Variants in SNTG2 observed in about 807,000 individuals in gnomAD.
SNTG2 encodes syntrophin gamma 2.
A neutral mutation model predicts 70.9 loss-of-function variants in SNTG2; 74 were observed. The ratio of observed to expected loss-of-function variants is 1.04; its 90% CI spans 0.86 to 1.27. The LOEUF (loss-of-function observed/expected upper bound fraction) is 1.27. Ranked by LOEUF, SNTG2 falls within the 50% of genes most tolerant of loss-of-function variation. The pLI, the probability that SNTG2 is intolerant of heterozygous loss-of-function variation, is 0.00. For synonymous variants in SNTG2, 278 were observed against 273.8 expected (o/e 1.02, Z -0.15); for missense variants, 717 against 690.7 (o/e 1.04, Z -0.43).
At chr2:1,292,716 A>G (rs1051964750) in intron 14 of SNTG2, among the ~76,000 whole-genome samples, 4 of 152,190 alleles carry the variant, frequency 2.6e-5, no homozygotes, top group Non-Finnish European at 5.9e-5. Flanking sequence ...ACATTGTACA[A>G]TGCTTTTAAT....
chr2:1,117,003 G>C (rs1490463763), intron 4 of SNTG2, among the ~76,000 whole-genome samples: 1 of 145,316 alleles, frequency 6.9e-6, no homozygotes, highest in African/African-American at 2.6e-5. Context: ...GTGTACGAGT[G>C]CCCTGGTGTG....
At chr2:1,303,417 A>T (rs1680539363) in intron 14 of SNTG2, among the ~76,000 whole-genome samples, 1 of 151,936 alleles carries the variant, frequency 6.6e-6, no homozygotes, top group South Asian at 2.1e-4. Flanking sequence ...TTCAAGGCAA[A>T]TAAAAAATAA....
chr2:1,025,880 C>G (rs145981286), intron 1 of SNTG2, among the ~76,000 whole-genome samples: 78 of 152,324 alleles, frequency 5.1e-4, no homozygotes, highest in Non-Finnish European at 1.0e-3. Flanking sequence ...TTCATTCATT[C>G]ATTCATTCAT....
chr2:1,237,265 A>C (rs2148102933), intron 9 of SNTG2, among the ~76,000 whole-genome samples: 1 of 152,306 alleles, frequency 6.6e-6, no homozygotes, highest in East Asian at 1.9e-4. Flanking sequence ...TTTCTTAAGA[A>C]AAAGTCTATA....
At chr2:982,834 C>T (rs1375497190) in intron 1 of SNTG2, among the ~76,000 whole-genome samples, 2 of 152,060 alleles carry the variant, frequency 1.3e-5, no homozygotes, top group African/African-American at 4.8e-5. Context: ...GAATGGAAGT[C>T]CCAAGGTGCA....
At chr2:963,760 T>C (rs1003115535) in intron 1 of SNTG2, among the ~76,000 whole-genome samples, 2 of 152,210 alleles carry the variant, frequency 1.3e-5, no homozygotes, top group East Asian at 3.8e-4. Context: ...ATATTTCAAT[T>C]TCAAACTAAC....
chr2:1,143,270 C>T (rs978784657), intron 6 of SNTG2, among the ~76,000 whole-genome samples: 1 of 152,144 alleles, frequency 6.6e-6, no homozygotes, highest in Non-Finnish European at 1.5e-5. Context: ...GAAGTCTTAA[C>T]TCTGTAGTTA....
chr2:1,219,991 A>G (rs1201834416), intron 9 of SNTG2: 3 of 152,236 alleles, frequency 2.0e-5, no homozygotes, highest in African/African-American at 4.8e-5. Flanking sequence ...GCAAGTCAGA[A>G]TTATACTGCT....
At chr2:1,303,161 G>A (rs542175579) in intron 14 of SNTG2, among the ~76,000 whole-genome samples, 2 of 152,262 alleles carry the variant, frequency 1.3e-5, no homozygotes, top group East Asian at 3.9e-4. Flanking sequence ...AACATTTATG[G>A]AATCCCCCCA....
intron 1 of SNTG2, among the ~76,000 whole-genome samples, chr2:980,831 A>C (rs952146805): frequency 6.6e-6 from 1 of 152,230 alleles, no homozygotes; most frequent in Non-Finnish European, 1.5e-5. Context: ...GGGTTAGATA[A>C]TAAAGGATAG....
intron 1 of SNTG2, among the ~76,000 whole-genome samples, chr2:968,784 A>G (rs1660648118): frequency 6.6e-6 from 1 of 152,172 alleles, no homozygotes; most frequent in Non-Finnish European, 1.5e-5. Context: ...TGCTAGATAC[A>G]TAGTTTTCAA....
chr2:1,169,528 G>T (rs1211462074), intron 7 of SNTG2, among the ~76,000 whole-genome samples: 3 of 152,210 alleles, frequency 2.0e-5, no homozygotes, highest in Non-Finnish European at 4.4e-5. Context: ...GAGCCCCATA[G>T]CACTGAGCCT....
intron 1 of SNTG2, among the ~76,000 whole-genome samples, chr2:1,019,000 A>G (rs1660004709): frequency 6.6e-6 from 1 of 152,166 alleles, no homozygotes; most frequent in Admixed American, 6.5e-5. Context: ...ACGCATGCAG[A>G]GCTCTATCTA....
intron 16 of SNTG2, among the ~76,000 whole-genome samples, chr2:1,363,687 A>G (rs1661322633): frequency 6.6e-6 from 1 of 152,226 alleles, no homozygotes; most frequent in African/African-American, 2.4e-5. Flanking sequence ...TGTGATTTCA[A>G]TCAGCTCTAG....
At chr2:1,275,243 C>A (rs1288014992) in intron 14 of SNTG2, among the ~76,000 whole-genome samples, 1 of 152,234 alleles carries the variant, frequency 6.6e-6, no homozygotes, top group Non-Finnish European at 1.5e-5. Context: ...ACCTCGGCAA[C>A]TACAGACTCA....
At chr2:1,264,769 C>T (rs1678632773) in intron 13 of SNTG2, among the ~76,000 whole-genome samples, 1 of 152,148 alleles carries the variant, frequency 6.6e-6, no homozygotes, top group Non-Finnish European at 1.5e-5. Flanking sequence ...CTGTGTCATC[C>T]AGGCTGGTCT....
chr2:1,094,901 G>A (rs1398664113), intron 2 of SNTG2, among the ~76,000 whole-genome samples: 2 of 104,282 alleles, frequency 1.9e-5, no homozygotes, highest in Non-Finnish European at 3.8e-5. Flanking sequence ...GTCCTCATAT[G>A]GTAGAGTTAC....
At chr2:1,237,118 T>G (rs1676712900) in intron 9 of SNTG2, among the ~76,000 whole-genome samples, 1 of 151,940 alleles carries the variant, frequency 6.6e-6, no homozygotes, top group African/African-American at 2.4e-5. Context: ...AATTTTTGTA[T>G]TTTTCGTAGA....
chr2:1,167,453 G>A (rs1222828571), intron 7 of SNTG2, among the ~76,000 whole-genome samples: 2 of 131,124 alleles, frequency 1.5e-5, no homozygotes, highest in African/African-American at 3.1e-5. Context: ...CAGAACTGAA[G>A]CCTACAAGCC....
Sources: allele counts gnomAD v4.1 joint callset (sites outside exome capture counted in the v4.1 genomes callset), GRCh38; gene constraint gnomAD v4.1.1; transcripts MANE v1.5; gene names NCBI Gene and HGNC (gene_info 2026-07-23, HGNC 2026-07-21).